PACRG: variants seen among roughly 807,000 people sequenced by gnomAD.
PACRG encodes the protein parkin coregulated gene protein.
PACRG carries 29 observed loss-of-function variants against 29.7 expected under a neutral mutation model. The observed-to-expected ratio is 0.98, with a 90% CI of 0.73 to 1.33. PACRG has a LOEUF of 1.33. Ranked by LOEUF, PACRG falls within the 40% of genes most tolerant of loss-of-function variation. The pLI, the probability that PACRG is intolerant of heterozygous loss-of-function variation, is 0.00. For synonymous variants in PACRG, 116 were observed against 118.7 expected (o/e 0.98, Z 0.15); for missense variants, 279 against 316.2 (o/e 0.88, Z 0.89).
intron 4 of PACRG, among the ~76,000 whole-genome samples, chr6:163,275,729 A>T (rs960132785): frequency 6.6e-6 from 1 of 152,208 alleles, no homozygotes; most frequent in Non-Finnish European, 1.5e-5. Context: ...TATATTTAAA[A>T]TTCAGTAACA....
chr6:162,862,083 C>T (rs74561376), intron 2 of PACRG, among the ~76,000 whole-genome samples: 2,757 of 152,210 alleles, frequency 0.018, 70 homozygotes, highest in African/African-American at 0.062. Context: ...ACACGTTGGT[C>T]AGAAAGAGGC....
intron 4 of PACRG, among the ~76,000 whole-genome samples, chr6:163,199,376 C>T (rs2128148606): frequency 6.6e-6 from 1 of 152,304 alleles, no homozygotes; most frequent in African/African-American, 2.4e-5. Context: ...GAGGCTCCTC[C>T]AGGGTTTGTG....
chr6:162,983,403 C>A (rs897188993), intron 2 of PACRG, among the ~76,000 whole-genome samples: 4 of 151,602 alleles, frequency 2.6e-5, no homozygotes, highest in Non-Finnish European at 5.9e-5. Context: ...GTTTTATAGG[C>A]CCTGTGAGAT....
At chr6:162,763,807 C>T (rs1216218129) in intron 1 of PACRG, among the ~76,000 whole-genome samples, 15 of 152,136 alleles carry the variant, frequency 9.9e-5, no homozygotes. Context: ...TTATAATTAA[C>T]CTTCAGTCGG....
chr6:162,961,775 C>T (rs1800638928), intron 2 of PACRG, among the ~76,000 whole-genome samples: 1 of 152,152 alleles, frequency 6.6e-6, no homozygotes, highest in Admixed American at 6.5e-5. Context: ...TCCTTCTAAT[C>T]AGATCCATAC....
chr6:163,215,030 T>C (rs967679219), intron 4 of PACRG, among the ~76,000 whole-genome samples: 4 of 152,148 alleles, frequency 2.6e-5, no homozygotes, highest in African/African-American at 9.7e-5. Flanking sequence ...TCCTCTAATA[T>C]ATTACTAGTA....
chr6:162,892,695 A>C (rs936741830), intron 2 of PACRG, among the ~76,000 whole-genome samples: 3 of 152,172 alleles, frequency 2.0e-5, no homozygotes, highest in African/African-American at 7.2e-5. Flanking sequence ...TGGTTCACAC[A>C]GGCCAAAATG....
chr6:162,981,106 G>GACTC (rs1802380677), intron 2 of PACRG, among the ~76,000 whole-genome samples: 2 of 151,900 alleles, frequency 1.3e-5, no homozygotes, highest in East Asian at 3.9e-4. Context: ...CTCATAGCTT[G>GACTC]ACTCCCACTT....
intron 4 of PACRG, among the ~76,000 whole-genome samples, chr6:163,210,230 CTT>C (rs1423055610): frequency 1.3e-5 from 2 of 152,334 alleles, no homozygotes; most frequent in South Asian, 2.1e-4. Flanking sequence ...CTTTAATGGA[CTT>C]TACCTGTGAC....
At chr6:163,163,721 G>A (rs909652855) in intron 4 of PACRG, among the ~76,000 whole-genome samples, 3 of 151,968 alleles carry the variant, frequency 2.0e-5, no homozygotes, top group African/African-American at 7.3e-5. Context: ...TTCAAAAAGT[G>A]TTCAGTAGCA....
At chr6:162,888,310 G>A (rs1794512413) in intron 2 of PACRG, among the ~76,000 whole-genome samples, 1 of 152,118 alleles carries the variant, frequency 6.6e-6, no homozygotes, top group African/African-American at 2.4e-5. Context: ...GTCGATTTGG[G>A]TCCAGCGGCT....
At chr6:162,878,284 T>C (rs1793542529) in intron 2 of PACRG, among the ~76,000 whole-genome samples, 1 of 152,194 alleles carries the variant, frequency 6.6e-6, no homozygotes, top group Non-Finnish European at 1.5e-5. Context: ...TAACAACAGT[T>C]TTTAAAAGTC....
intron 4 of PACRG, among the ~76,000 whole-genome samples, chr6:163,232,190 C>T (rs1257521876): frequency 6.6e-6 from 1 of 152,138 alleles, no homozygotes; most frequent in South Asian, 2.1e-4. Flanking sequence ...GATGTTCATT[C>T]CAGGAATATT....
chr6:162,964,715 G>A (rs539280667), intron 2 of PACRG, among the ~76,000 whole-genome samples: 4 of 152,164 alleles, frequency 2.6e-5, no homozygotes, highest in Non-Finnish European at 5.9e-5. Context: ...TAACCTGGCC[G>A]CCAGCATAAG....
In PACRG at chr6:163,227,010, T is replaced by A. The variant is rs150296907; in HGVS notation, c.614-87817T>A. 1.1e-4 allele frequency among the ~76,000 whole-genome samples: 16 copies of A among 152,050 alleles called. 1 individual carries two copies. Among genetic ancestry groups the A allele is most frequent in the African/African-American group, 3.9e-4 (16 of 41,360 alleles). ...AATGATGATGGTACGTTAAAAAAAA[T>A]AATGGTAAACCACATAAGATTCCAC... On this transcript the variant is annotated intron_variant, in intron 4 of 4. Transcript: ENST00000366888.
intron 4 of PACRG, among the ~76,000 whole-genome samples, chr6:163,199,476 A>G (rs1453426542): frequency 2.6e-5 from 4 of 152,158 alleles, no homozygotes; most frequent in African/African-American, 7.2e-5. Context: ...GACTATTATC[A>G]TCCCGTTTGC....
At chr6:162,801,687 C>G (rs1178064323) in intron 1 of PACRG, among the ~76,000 whole-genome samples, 14 of 151,918 alleles carry the variant, frequency 9.2e-5, no homozygotes, top group African/African-American at 3.1e-4. Context: ...TTCATTTGGA[C>G]AAATGAATTT....
At chr6:163,173,251 G>A (rs1419427222) in intron 4 of PACRG, among the ~76,000 whole-genome samples, 1 of 152,106 alleles carries the variant, frequency 6.6e-6, no homozygotes, top group African/African-American at 2.4e-5. Context: ...AAGTTATTTT[G>A]AAAATAAAAA....
In PACRG at chr6:162,911,107, A is replaced by G. The variant is rs969571246; in HGVS notation, c.291+96826A>G. Among the ~76,000 whole-genome samples, 6 of 152,366 alleles carry G rather than the reference A, an allele frequency of 3.9e-5. No individual in the cohort carries two copies. In the South Asian group the frequency reaches 1.2e-3, roughly 32 times the overall value. ...AGTCATGATGCGCATCTGCATCGAT[A>G]TCAATTTGTTTTCATTAACTTAGAC... On this transcript the variant is annotated intron_variant, in intron 2 of 4. Transcript: ENST00000366888.
Sources: gnomAD v4.1 joint callset for allele counts (sites outside exome capture counted in the v4.1 genomes callset) on GRCh38, gnomAD v4.1.1 for gene constraint, MANE v1.5 for transcripts, NCBI Gene and HGNC (gene_info 2026-07-23, HGNC 2026-07-21) for gene names.